DCHS2: variants seen among roughly 807,000 people sequenced by gnomAD.
The protein encoded by DCHS2 is dachsous cadherin-related 2, also known as protocadherin-23.
Under a neutral mutation model 182.4 loss-of-function variants are expected in DCHS2, and 142 were observed. The observed-to-expected ratio is 0.78, with a 90% CI of 0.68 to 0.89. The LOEUF (loss-of-function observed/expected upper bound fraction) is 0.89, where lower values mean the gene tolerates loss of function less well. Ranked by LOEUF, DCHS2 falls within the 40% of genes least tolerant of loss-of-function variation. DCHS2 has a pLI of 0.00. For synonymous variants in DCHS2, 1,740 were observed against 1,663.3 expected, an observed-to-expected ratio of 1.05 and a Z score of -1.12; for missense variants, 4,319 against 4,198.6, an observed-to-expected ratio of 1.03 and a Z score of -0.79.
At chr4:154,468,784 A>G (rs2111013176) in intron 1 of DCHS2, among the ~76,000 whole-genome samples, 1 of 152,280 alleles carries the variant, frequency 6.6e-6, no homozygotes, top group Admixed American at 6.5e-5. Context: ...GTAGTAACAT[A>G]TTACAAACTA....
intron 14 of DCHS2, 119 bp downstream of exon 14, chr4:154,269,781 A>G: frequency 8.0e-7 from 1 of 1,249,648 alleles, no homozygotes. Flanking sequence ...AGCTTAAAAA[A>G]TTCTTTCTTG....
intron 1 of DCHS2, among the ~76,000 whole-genome samples, chr4:154,465,953 A>G (rs1735222913): frequency 6.6e-6 from 1 of 152,242 alleles, no homozygotes; most frequent in African/African-American, 2.4e-5. Context: ...TTCAGATATT[A>G]AAGCTGCATT....
intron 1 of DCHS2, among the ~76,000 whole-genome samples, chr4:154,452,729 A>T (rs932990607): frequency 2.6e-5 from 4 of 152,048 alleles, no homozygotes; most frequent in African/African-American, 4.8e-5. Flanking sequence ...ATAACCCTAA[A>T]TTTTTTTTCT....
At chr4:154,398,182 G>A (rs915802876) in intron 1 of DCHS2, among the ~76,000 whole-genome samples, 6 of 152,066 alleles carry the variant, frequency 3.9e-5, no homozygotes, top group Admixed American at 3.9e-4. Context: ...TATGATCAAT[G>A]GATATTTGTT....
intron 16 of DCHS2, among the ~76,000 whole-genome samples, chr4:154,247,635 CAAAAA>C (rs67157369): frequency 1.0e-5 from 1 of 100,116 alleles, no homozygotes; most frequent in African/African-American, 4.0e-5. Context: ...GACTCCGTCT[CAAAAA>C]AAAAAAAAAA....
intron 7 of DCHS2, among the ~76,000 whole-genome samples, chr4:154,325,762 G>A (rs1433452266): frequency 4.6e-5 from 7 of 152,078 alleles, no homozygotes; most frequent in Non-Finnish European, 1.0e-4. Context: ...AAATAAGTTC[G>A]GATGGTTTAT....
At chr4:154,300,879 C>T (rs1045781993) in intron 12 of DCHS2, among the ~76,000 whole-genome samples, 2 of 151,984 alleles carry the variant, frequency 1.3e-5, no homozygotes, top group African/African-American at 2.4e-5. Context: ...CCGGCTTAGG[C>T]GAATAAGTGA....
Position 154,234,236 on chromosome 4 carries a change from G to T in DCHS2, c.*300C>A, listed in dbSNP as rs997336806. On this transcript the variant is annotated 3_prime_UTR_variant, in exon 20 of 20. Coordinates refer to ENST00000357232, the MANE Select transcript of DCHS2 (RefSeq NM_001358235.2). ...TATAAACATTCTGGCAGTCAGTTAA[G>T]TTCACTGTGTCCTTTGGAAGTCTAA... The T allele has an allele frequency of 1.9e-5, 5 of 259,424 alleles. No individual in the cohort carries two copies. The highest frequency in any genetic ancestry group is 1.1e-4 in the African/African-American group (5 of 44,706). The allele number at this position is 259,424 out of a possible 1,614,324, so 16.1% of individuals were successfully genotyped here.
intron 1 of DCHS2, among the ~76,000 whole-genome samples, chr4:154,469,889 T>G (rs1474522551): frequency 6.6e-6 from 1 of 152,216 alleles, no homozygotes; most frequent in Non-Finnish European, 1.5e-5. Flanking sequence ...CCCCAGCCAC[T>G]CTTGAGCCCA....
At chr4:154,411,058 A>T (rs1237474298) in intron 1 of DCHS2, among the ~76,000 whole-genome samples, 2 of 152,242 alleles carry the variant, frequency 1.3e-5, no homozygotes, top group African/African-American at 4.8e-5. Flanking sequence ...ATGATGGAGG[A>T]GATCCTGCCA....
chr4:154,235,961 C>T lies in DCHS2; in HGVS notation c.8691G>A (p.Gln2897=). 1 of 1,614,028 alleles carries T rather than the reference C, an allele frequency of 6.2e-7. No individual in the cohort carries two copies. The highest frequency in any genetic ancestry group is 1.3e-5 in the African/African-American group (1 of 75,036). Reference sequence around the variant, plus strand: ...CTGAGGCTTCCACTCTGCCAATCAACTGTCTGTCTTTATTCTTTTCTGGGA... The same window carrying T: ...CTGAGGCTTCCACTCTGCCAATCAATTGTCTGTCTTTATTCTTTTCTGGGA... ...FTLPEKNKDR[Q]LIGRVEASDA... Residue 2897 remains glutamine, a synonymous_variant, in exon 20 of 20, where the codon CAG becomes CAA. Coordinates refer to ENST00000357232, the MANE Select transcript of DCHS2 (RefSeq NM_001358235.2).
At chr4:154,350,946 C>A (rs796092008) in intron 3 of DCHS2, among the ~76,000 whole-genome samples, 2 of 152,104 alleles carry the variant, frequency 1.3e-5, no homozygotes, top group Non-Finnish European at 2.9e-5. Flanking sequence ...AGGGAAAATG[C>A]AGGAAAAGAA....
At chr4:154,325,316 C>CATGTGTGTGTGTGTGTGT (rs555546818) in intron 7 of DCHS2, among the ~76,000 whole-genome samples, 10 of 142,660 alleles carry the variant, frequency 7.0e-5, no homozygotes, top group South Asian at 2.3e-4. Flanking sequence ...GGATTATAGC[C>CATGTGTGTGTGTGTGTGT]GTGTGTGTGT....
In DCHS2 at chr4:154,235,822, T is replaced by C; in HGVS notation, c.8830A>G (p.Ile2944Val). The change falls in exon 20 of 20, where the codon ATA becomes GTA. Residue 2944 changes from isoleucine to valine, a missense_variant. Ile to Val is a conservative substitution (Grantham distance 29, BLOSUM62 3). Transcript: ENST00000357232. ...TCTTCTTTGTTGAGTTGACTTTTTA[T>C]TAGGGGAAGGGCTCTAATCAAATAA... ...NIYLIRALPL[I>V]KSQLNKEDTL... The C allele has an allele frequency of 6.2e-7, 1 of 1,613,796 alleles. No homozygotes were observed. The highest frequency in any genetic ancestry group is 8.5e-7 in the Non-Finnish European group (1 of 1,179,908).
intron 1 of DCHS2, among the ~76,000 whole-genome samples, chr4:154,419,428 A>G (rs147717404): frequency 0.015 from 2,226 of 152,176 alleles, 45 homozygotes; most frequent in African/African-American, 0.044. Context: ...AGGCGGGTGG[A>G]TCACCTGAGG....
In DCHS2 at chr4:154,491,027, G is replaced by T; in HGVS notation, c.329C>A (p.Ser110Tyr). 1 of 1,551,002 alleles carries T rather than the reference G, an allele frequency of 6.4e-7. No homozygotes were observed. The highest frequency in any genetic ancestry group is 8.7e-7 in the Non-Finnish European group (1 of 1,146,756). The change falls in exon 1 of 20, where the codon TCC becomes TAC. Residue 110 changes from serine to tyrosine, a missense_variant. Ser to Tyr is a moderately radical substitution (Grantham distance 144). Transcript: ENST00000357232. ...CACGTGGAAGTCGTCCAGCAGCGGG[G>T]AGTCATCGGAGTCCTCCGACAGAAA... ...GFFLSEDSDD[S>Y]PLLDDFHVHP...
chr4:154,479,704 G>A (rs1735844322), intron 1 of DCHS2, among the ~76,000 whole-genome samples: 1 of 152,068 alleles, frequency 6.6e-6, no homozygotes, highest in Non-Finnish European at 1.5e-5. Context: ...TTCATGTTGT[G>A]GTATTAAGAG....
intron 2 of DCHS2, among the ~76,000 whole-genome samples, chr4:154,376,552 A>G (rs1001654459): frequency 3.9e-5 from 6 of 152,212 alleles, no homozygotes; most frequent in Non-Finnish European, 1.5e-5. Context: ...TTGTGAGAAC[A>G]TTTTCCTTAG....
In DCHS2 at chr4:154,489,820, C is replaced by A. The variant is rs1211781971; in HGVS notation, c.1536G>T (p.Thr512=). The part of the protein sequence containing the change: ...RDLYELLLVA[T]DAGSPPLSTE... The stretch of plus-strand genomic sequence containing the variant: ...TGCTCAGCGGCGGGGACCCCGCGTC[C>A]GTGGCCACCAGTAGTAACTCATACA... The change falls in exon 1 of 20, where the codon ACG becomes ACT. Residue 512 remains threonine (T), a synonymous_variant. Coordinates refer to ENST00000357232, the MANE Select transcript of DCHS2 (RefSeq NM_001358235.2). 6.4e-7 allele frequency: 1 copy of A among 1,551,426 alleles called. No individual in the cohort carries two copies. The highest frequency in any genetic ancestry group is 1.2e-5 in the South Asian group (1 of 84,036).
Sources: allele counts gnomAD v4.1 joint callset (sites outside exome capture counted in the v4.1 genomes callset), GRCh38; gene constraint gnomAD v4.1.1; transcripts MANE v1.5; gene names NCBI Gene and HGNC (gene_info 2026-07-23, HGNC 2026-07-21).